TPO: variants seen among roughly 807,000 people sequenced by gnomAD.
The protein encoded by TPO is thyroid microsomal antigen.
In TPO, 78 loss-of-function variants were observed where a neutral mutation model predicts 96.9. The ratio of observed to expected loss-of-function variants is 0.81; its 90% CI spans 0.67 to 0.97. The LOEUF is 0.97. Ranked by LOEUF, TPO falls within the 50% of genes least tolerant of loss-of-function variation. The probability of loss-of-function intolerance (pLI) is 0.00; values close to 1 mark genes in which losing one functional copy is unlikely to be tolerated. For synonymous variants in TPO, 547 were observed against 538.0 expected (o/e 1.02, Z -0.23); for missense variants, 1,252 against 1,274.8 (o/e 0.98, Z 0.27).
intron 10 of TPO, among the ~76,000 whole-genome samples, chr2:1,489,855 C>T (rs189797684): frequency 1.2e-4 from 19 of 152,314 alleles, no homozygotes; most frequent in Admixed American, 2.0e-4. Context: ...CTCCCCTGAG[C>T]GCCCAGGACA....
intron 1 of TPO, among the ~76,000 whole-genome samples, chr2:1,382,717 T>C (rs893730991): frequency 6.6e-5 from 10 of 151,984 alleles, no homozygotes; most frequent in Non-Finnish European, 1.5e-5. Context: ...ATGCTCTTTC[T>C]TTTTTTTAAT....
At chr2:1,474,299 C>T (rs773208326) in intron 7 of TPO, among the ~76,000 whole-genome samples, 25 of 152,316 alleles carry the variant, frequency 1.6e-4, no homozygotes, top group African/African-American at 2.4e-4. Context: ...TTCTCCAACA[C>T]GGAACCATTC....
chr2:1,398,218 A>G (rs959833536), intron 1 of TPO, among the ~76,000 whole-genome samples: 1 of 152,184 alleles, frequency 6.6e-6, no homozygotes, highest in Non-Finnish European at 1.5e-5. Context: ...CATCAGTCCT[A>G]GGGGAACCAC....
chr2:1,465,605 G>T (rs1398568231), intron 7 of TPO, among the ~76,000 whole-genome samples: 2 of 151,948 alleles, frequency 1.3e-5, no homozygotes, highest in East Asian at 3.9e-4. Flanking sequence ...CCTTGTAGAG[G>T]TCTTTCATCT....
intron 15 of TPO, among the ~76,000 whole-genome samples, chr2:1,534,313 A>G (rs1199792593): frequency 1.4e-5 from 2 of 140,912 alleles, no homozygotes; most frequent in Admixed American, 1.5e-4. Flanking sequence ...GCTGTGCGCA[A>G]CCTCATCAAA....
intron 15 of TPO, among the ~76,000 whole-genome samples, chr2:1,524,243 C>CA (rs1262607018): frequency 6.8e-6 from 1 of 147,008 alleles, no homozygotes; most frequent in Admixed American, 6.8e-5. Flanking sequence ...TCCTCAAATC[C>CA]CCCCACTGTG....
intron 13 of TPO, among the ~76,000 whole-genome samples, chr2:1,502,857 G>A (rs1356982732): frequency 6.6e-6 from 1 of 152,202 alleles, no homozygotes; most frequent in Non-Finnish European, 1.5e-5. Flanking sequence ...TTCTGTAACT[G>A]AGAAAACCAG....
chr2:1,443,806 C>T (rs377540678), intron 5 of TPO, among the ~76,000 whole-genome samples: 2,111 of 22,990 alleles, frequency 0.092, 146 homozygotes, highest in Middle Eastern at 0.22. Context: ...GTCACTGCTG[C>T]GGGAGGCACC....
At chr2:1,514,200 C>G (rs1426883525) in intron 14 of TPO, among the ~76,000 whole-genome samples, 1 of 152,134 alleles carries the variant, frequency 6.6e-6, no homozygotes, top group African/African-American at 2.4e-5. Flanking sequence ...AGAAGTGAAG[C>G]CCTTTTTCCT....
At chr2:1,439,007 C>T (rs2148513227) in intron 5 of TPO, 2 of 582,674 alleles carry the variant, frequency 3.4e-6, no homozygotes, top group Admixed American at 5.9e-5. Flanking sequence ...TGGTTTGATG[C>T]TTCCTGATTC....
intron 14 of TPO, among the ~76,000 whole-genome samples, chr2:1,511,487 C>T (rs914725825): frequency 7.0e-6 from 1 of 143,466 alleles, no homozygotes. Flanking sequence ...GGTGCCACAG[C>T]GCAGCCCTGC....
At chr2:1,459,651 T>G (rs1668219405) in intron 7 of TPO, among the ~76,000 whole-genome samples, 1 of 152,174 alleles carries the variant, frequency 6.6e-6, no homozygotes, top group African/African-American at 2.4e-5. Context: ...TCTGGGCATC[T>G]GCAGAGGAGG....
At chr2:1,516,647 G>C (rs1674743653) in intron 14 of TPO, among the ~76,000 whole-genome samples, 3 of 152,210 alleles carry the variant, frequency 2.0e-5, no homozygotes, top group South Asian at 4.1e-4. Context: ...CATAGAGAGA[G>C]CTAACTTCTC....
chr2:1,506,512 T>G (rs1165374368), intron 14 of TPO, among the ~76,000 whole-genome samples: 1 of 152,138 alleles, frequency 6.6e-6, no homozygotes, highest in African/African-American at 2.4e-5. Flanking sequence ...AGTGTAAAAG[T>G]GTTCCTATTT....
At chr2:1,405,659 C>T (rs1453091670) in intron 1 of TPO, among the ~76,000 whole-genome samples, 1 of 152,164 alleles carries the variant, frequency 6.6e-6, no homozygotes, top group Non-Finnish European at 1.5e-5. Flanking sequence ...ACAGATTCAC[C>T]CCCAAGATTC....
chr2:1,500,689 G>A (rs535322692), intron 13 of TPO, among the ~76,000 whole-genome samples: 78 of 152,242 alleles, frequency 5.1e-4, no homozygotes, highest in African/African-American at 1.8e-3. Flanking sequence ...TATTAAGGCC[G>A]GGCGTGGTGG....
At position 1,521,260 on chromosome 2, in the gene TPO, C is replaced by CT. The variant is rs879125263; in HGVS notation, c.2618+4281dup. Among the ~76,000 whole-genome samples, 21 of 152,328 alleles carry CT rather than the reference C, an allele frequency of 1.4e-4. No individual in the cohort carries two copies. In the South Asian group the frequency reaches 3.3e-3, roughly 24 times the overall value. On this transcript the variant is annotated intron_variant, in intron 15 of 16. Transcript: ENST00000329066. ...TGTCCTCCGTCCAGGACGTCTAACC[C>CT]TTTGTTCCCTCCTGCACCTTCCCAC... is the stretch of plus-strand genomic sequence containing the variant.
At chr2:1,498,343 C>T (rs1338872665) in intron 13 of TPO, among the ~76,000 whole-genome samples, 1 of 152,154 alleles carries the variant, frequency 6.6e-6, no homozygotes, top group Non-Finnish European at 1.5e-5. Context: ...CGGGAGCCAC[C>T]TTCCCATTAG....
chr2:1,530,094 CACT>C (rs1443853166), intron 15 of TPO, among the ~76,000 whole-genome samples: 1 of 140,058 alleles, frequency 7.1e-6, no homozygotes, highest in Non-Finnish European at 1.5e-5. Flanking sequence ...CAAATCCCCC[CACT>C]GTTTGCAACC....
Sources: gnomAD v4.1 joint callset for allele counts (sites outside exome capture counted in the v4.1 genomes callset) on GRCh38, gnomAD v4.1.1 for gene constraint, MANE v1.5 for transcripts, NCBI Gene and HGNC (gene_info 2026-07-23, HGNC 2026-07-21) for gene names.